The following CDH12 variants were observed in gnomAD, a reference collection of about 807,000 sequenced individuals.
CDH12 encodes the protein cadherin-12.
CDH12 carries 41 observed loss-of-function variants against 74.1 expected under a neutral mutation model. That is an observed-to-expected ratio of 0.55 (90% CI 0.43 to 0.72). CDH12 has a LOEUF of 0.72. Among genes scored for constraint, CDH12 ranks in the 30% least tolerant of loss-of-function variants. CDH12 has a pLI of 0.00. For missense variants in CDH12, 945 were observed against 977.2 expected (o/e 0.97, Z 0.44); for synonymous variants, 399 against 355.0 (o/e 1.12, Z -1.39).
chr5:22,262,309 C>T lies in CDH12; in HGVS notation c.-332-49666G>A, dbSNP rs1206925424. Reference sequence around the variant, plus strand: ...ACAGTCCCCAGAGTGTGATATTCCCCTTCCTGTGTCCATGTGATCTCATTG... The same window carrying T: ...ACAGTCCCCAGAGTGTGATATTCCCTTTCCTGTGTCCATGTGATCTCATTG... On this transcript the variant is annotated intron_variant, in intron 3 of 14. Coordinates refer to ENST00000382254, the MANE Select transcript of CDH12 (RefSeq NM_004061.5). Among the ~76,000 whole-genome samples, 17 of 141,532 alleles carry T rather than the reference C, an allele frequency of 1.2e-4. No individual in the cohort carries two copies. The Admixed American group carries it at 1.3e-3, about 11-fold the overall frequency. 92.9% of individuals were successfully genotyped at this position (141,532 alleles called of 152,430 possible).
intron 6 of CDH12, among the ~76,000 whole-genome samples, chr5:21,876,165 A>C (rs984366262): frequency 1.3e-5 from 2 of 152,102 alleles, no homozygotes; most frequent in Non-Finnish European, 1.5e-5. Context: ...AAGTGCTGGG[A>C]TTACAGGCTT....
chr5:22,542,764 C>A (rs1472646112), intron 1 of CDH12, among the ~76,000 whole-genome samples: 2 of 152,092 alleles, frequency 1.3e-5, no homozygotes, highest in Non-Finnish European at 2.9e-5. Context: ...GGGCATTGAA[C>A]TTAATTGCTT....
At chr5:22,234,033 T>A (rs1026725292) in intron 3 of CDH12, among the ~76,000 whole-genome samples, 3 of 152,068 alleles carry the variant, frequency 2.0e-5, no homozygotes, top group Admixed American at 2.0e-4. Flanking sequence ...CATGGAAAAA[T>A]TATGAAGGAA....
At chr5:22,095,602 C>T (rs910130696) in intron 4 of CDH12, among the ~76,000 whole-genome samples, 2 of 151,780 alleles carry the variant, frequency 1.3e-5, no homozygotes, top group African/African-American at 2.4e-5. Context: ...GGGCAAGAAC[C>T]CCCCAATCCC....
At chr5:21,840,902 CCCTAGAAGAAAA>C (rs2149984272) in intron 8 of CDH12, among the ~76,000 whole-genome samples, 1 of 152,180 alleles carries the variant, frequency 6.6e-6, no homozygotes, top group Admixed American at 6.5e-5. Context: ...ACCATAAAAA[CCCTAGAAGAAAA>C]CCTAGGCATT....
intron 4 of CDH12, among the ~76,000 whole-genome samples, chr5:22,196,915 C>T (rs1750650317): frequency 1.3e-5 from 2 of 152,014 alleles, no homozygotes; most frequent in African/African-American, 2.4e-5. Flanking sequence ...TCTTAATCCT[C>T]AATCAGACAA....
In CDH12 at chr5:22,798,092, A is replaced by G. The variant is rs557009187; in HGVS notation, c.-523+54966T>C. 1.3e-4 allele frequency among the ~76,000 whole-genome samples: 20 copies of G among 152,256 alleles called. No individual in the cohort carries two copies. The East Asian group carries it at 3.9e-3, about 29-fold the overall frequency. On this transcript the variant is annotated intron_variant, in intron 1 of 14. Transcript: ENST00000382254. ...TCTCCCTTATTTTGGCTGTAACTTA[A>G]CACTTATATATTATTCTTATCCCCT... is the stretch of plus-strand genomic sequence containing the variant.
intron 3 of CDH12, among the ~76,000 whole-genome samples, chr5:22,224,621 T>C (rs895860943): frequency 9.9e-5 from 15 of 152,048 alleles, no homozygotes; most frequent in African/African-American, 3.6e-4. Flanking sequence ...TCTTTCTTTG[T>C]GAGTCATATA....
intron 2 of CDH12, among the ~76,000 whole-genome samples, chr5:22,495,104 C>G (rs1444130905): frequency 6.6e-6 from 1 of 152,076 alleles, no homozygotes; most frequent in Non-Finnish European, 1.5e-5. Context: ...TCAGACCCCA[C>G]GGGTATACAG....
chr5:21,757,894 C>T (rs1338182741), intron 13 of CDH12, among the ~76,000 whole-genome samples: 1 of 152,082 alleles, frequency 6.6e-6, no homozygotes, highest in African/African-American at 2.4e-5. Flanking sequence ...AATTCTATTT[C>T]CATCCATTTG....
intron 1 of CDH12, among the ~76,000 whole-genome samples, chr5:22,754,569 C>CAA (rs72233503): frequency 1.5e-5 from 2 of 132,066 alleles, no homozygotes; most frequent in African/African-American, 2.8e-5. Context: ...GGAAAGCAGA[C>CAA]AAAAAAAAAA....
intron 1 of CDH12, among the ~76,000 whole-genome samples, chr5:22,793,292 T>A (rs1748013403): frequency 6.6e-6 from 1 of 152,238 alleles, no homozygotes; most frequent in Non-Finnish European, 1.5e-5. Flanking sequence ...GTTTTGGCCC[T>A]TCACTCTTTG....
rs191476452 is a variant in CDH12 at position 22,403,890 on chromosome 5, A to G, written c.-333+1367T>C. Among the ~76,000 whole-genome samples the G allele has an allele frequency of 1.7e-3, 260 of 152,298 alleles. 2 individuals carry two copies. Among genetic ancestry groups the G allele is most frequent in the African/African-American group, 6.2e-3 (257 of 41,558 alleles). Reference sequence around the variant, plus strand: ...CTCACCAAGATTTTTTAAAATGACCATCATTACACAATTAAATTATACAAT... The same window carrying G: ...CTCACCAAGATTTTTTAAAATGACCGTCATTACACAATTAAATTATACAAT... On this transcript the variant is annotated intron_variant, in intron 3 of 14. Coordinates refer to ENST00000382254, the MANE Select transcript of CDH12 (RefSeq NM_004061.5).
chr5:22,303,940 A>T (rs2150421964), intron 3 of CDH12, among the ~76,000 whole-genome samples: 1 of 152,300 alleles, frequency 6.6e-6, no homozygotes, highest in South Asian at 2.1e-4. Flanking sequence ...TTAGGATCAT[A>T]TTAATCATTA....
chr5:22,182,025 CTAAGTA>C (rs1181083507), intron 4 of CDH12, among the ~76,000 whole-genome samples: 2 of 152,084 alleles, frequency 1.3e-5, no homozygotes, highest in East Asian at 3.9e-4. Flanking sequence ...AGTCTGTTTT[CTAAGTA>C]TATCACTCCC....
chr5:22,624,078 T>C (rs1482776839), intron 1 of CDH12, among the ~76,000 whole-genome samples: 1 of 152,144 alleles, frequency 6.6e-6, no homozygotes, highest in Admixed American at 6.5e-5. Context: ...GATTCCCTAT[T>C]TAATAAATGG....
intron 6 of CDH12, among the ~76,000 whole-genome samples, chr5:21,939,558 C>G (rs4028784): frequency 6.6e-6 from 1 of 151,728 alleles, no homozygotes; most frequent in African/African-American, 2.4e-5. Flanking sequence ...TTTGCCCTCA[C>G]AAAAGAAAAT....
intron 6 of CDH12, among the ~76,000 whole-genome samples, chr5:21,876,397 A>T (rs1304469682): frequency 1.3e-5 from 2 of 152,126 alleles, no homozygotes; most frequent in African/African-American, 4.8e-5. Flanking sequence ...AATCTTGTTC[A>T]TATTAGCCCC....
intron 2 of CDH12, among the ~76,000 whole-genome samples, chr5:22,442,127 G>A (rs148538472): frequency 7.1e-4 from 108 of 152,172 alleles, no homozygotes; most frequent in African/African-American, 2.3e-3. Flanking sequence ...ACTAAAAGTC[G>A]GGTCTAAATT....
Sources: allele counts gnomAD v4.1 joint callset (sites outside exome capture counted in the v4.1 genomes callset), GRCh38; gene constraint gnomAD v4.1.1; transcripts MANE v1.5; gene names NCBI Gene and HGNC (gene_info 2026-07-23, HGNC 2026-07-21).